The following SETBP1 variants were observed in gnomAD, a reference collection of about 807,000 sequenced individuals.
SETBP1 encodes SET-binding protein.
Under a neutral mutation model 101.0 loss-of-function variants are expected in SETBP1, and 9 were observed. The observed-to-expected ratio is 0.09, with a 90% CI of 0.05 to 0.16. SETBP1 has a LOEUF of 0.16. SETBP1 is among the 10% of genes least tolerant of loss of function. The pLI is 1.00. For missense variants in SETBP1, 1,858 were observed against 2,033.8 expected, an observed-to-expected ratio of 0.91 and a Z score of 1.66; for synonymous variants, 818 against 788.5, an observed-to-expected ratio of 1.04 and a Z score of -0.63.
At chr18:44,873,025 A>G (rs745551350) in intron 3 of SETBP1, among the ~76,000 whole-genome samples, 11 of 152,336 alleles carry the variant, frequency 7.2e-5, no homozygotes, top group Non-Finnish European at 1.2e-4. Flanking sequence ...GCTGTTTTTA[A>G]TGAGTTTCTA....
intron 4 of SETBP1, among the ~76,000 whole-genome samples, chr18:44,970,878 T>A (rs140106878): frequency 0.1 from 15,276 of 152,046 alleles, 1,057 homozygotes; most frequent in Admixed American, 0.22. Context: ...TTTTTTTTTT[T>A]AATTATACTT....
intron 2 of SETBP1, among the ~76,000 whole-genome samples, chr18:44,834,573 GAGA>G (rs1298616552): frequency 2.0e-5 from 3 of 152,162 alleles, no homozygotes; most frequent in South Asian, 2.1e-4. Flanking sequence ...CACAGAGCAG[GAGA>G]AGAAGGGGTT....
intron 4 of SETBP1, among the ~76,000 whole-genome samples, chr18:45,001,980 A>G (rs2072627085): frequency 6.6e-6 from 1 of 152,094 alleles, no homozygotes. Flanking sequence ...AGGCTCCCCC[A>G]CCAAAATAAT....
intron 2 of SETBP1, among the ~76,000 whole-genome samples, chr18:44,727,669 A>G (rs1159648408): frequency 6.6e-6 from 1 of 152,196 alleles, no homozygotes; most frequent in African/African-American, 2.4e-5. Flanking sequence ...CTCTACCACC[A>G]TCATAAAATC....
At chr18:44,981,001 C>T (rs1158618578) in intron 4 of SETBP1, among the ~76,000 whole-genome samples, 1 of 152,132 alleles carries the variant, frequency 6.6e-6, no homozygotes, top group East Asian at 1.9e-4. Context: ...TAAAGTGGTC[C>T]CCAGACCAAT....
intron 3 of SETBP1, among the ~76,000 whole-genome samples, chr18:44,883,555 G>A (rs1198819309): frequency 1.3e-5 from 2 of 152,178 alleles, no homozygotes; most frequent in Admixed American, 6.5e-5. Flanking sequence ...GTACAGGACC[G>A]TCTACTAAAA....
chr18:44,878,008 G>C (rs1050513122), intron 3 of SETBP1, among the ~76,000 whole-genome samples: 5 of 152,218 alleles, frequency 3.3e-5, no homozygotes, highest in African/African-American at 1.2e-4. Flanking sequence ...TCACGTGTGA[G>C]AAAATTGATA....
At position 44,951,294 on chromosome 18, in the gene SETBP1, G is replaced by A; in HGVS notation, c.1954G>A (p.Val652Ile). The change falls in exon 4 of 6, where the codon GTT becomes ATT. Residue 652 changes from valine to isoleucine, a missense_variant. Val to Ile is a conservative substitution (Grantham distance 29, BLOSUM62 3). Coordinates refer to ENST00000649279, the MANE Select transcript of SETBP1 (RefSeq NM_015559.3). The surrounding 1 kb of genome is among the most constrained non-coding windows in gnomAD (Gnocchi z 7.8). ...PMSEMKFHKK[V>I]GKLGVLDKKT... ...GAGCGAGATGAAATTTCACAAGAAA[G>A]TTGGAAAGCTCGGCGTGTTGGATAA... 1 of 1,613,680 alleles carries A rather than the reference G, an allele frequency of 6.2e-7. No individual in the cohort carries two copies. The highest frequency in any genetic ancestry group is 8.5e-7 in the Non-Finnish European group (1 of 1,180,034).
chr18:44,994,186 G>A (rs546446538), intron 4 of SETBP1, among the ~76,000 whole-genome samples: 1 of 151,148 alleles, frequency 6.6e-6, no homozygotes, highest in African/African-American at 2.4e-5. Flanking sequence ...AAAAAACCTG[G>A]GTAAAAAAAA....
At chr18:44,871,672 T>G (rs1433290476) in intron 3 of SETBP1, 1 of 152,270 alleles carries the variant, frequency 6.6e-6, no homozygotes, top group East Asian at 1.9e-4. Flanking sequence ...GTCTTCTCTC[T>G]GCTTCCAGAT....
chr18:44,810,094 C>G (rs970962627), intron 2 of SETBP1, among the ~76,000 whole-genome samples: 2 of 152,194 alleles, frequency 1.3e-5, no homozygotes, highest in African/African-American at 4.8e-5. Context: ...GTGGGGAGCT[C>G]TTATCCTGGG....
intron 3 of SETBP1, among the ~76,000 whole-genome samples, chr18:44,940,376 A>G (rs1332072477): frequency 6.6e-6 from 1 of 152,194 alleles, no homozygotes; most frequent in Non-Finnish European, 1.5e-5. Context: ...TAGAGTTAAT[A>G]TAATTACTGA....
chr18:44,768,031 G>C (rs573138580), intron 2 of SETBP1, among the ~76,000 whole-genome samples: 2 of 152,140 alleles, frequency 1.3e-5, no homozygotes, highest in African/African-American at 4.8e-5. Context: ...TTTCTTTCCC[G>C]TAATAGACTG....
chr18:45,063,348 C>A lies in SETBP1; in HGVS notation c.4441C>A (p.Leu1481Met). 6.3e-7 allele frequency: 1 copy of A among 1,581,818 alleles called. No homozygotes were observed. Among genetic ancestry groups the A allele is most frequent in the East Asian group, 2.4e-5 (1 of 42,426 alleles). ...QMPVLEKCID[L>M]PSKRGQKPSL... ...GCCGGTGCTGGAAAAATGCATCGAC[C>A]TGCCCAGCAAAAGAGGCCAGAAGCC... The change falls in exon 6 of 6, where the codon CTG becomes ATG. Residue 1481 changes from leucine to methionine, a missense_variant. Coordinates refer to ENST00000649279, the MANE Select transcript of SETBP1 (RefSeq NM_015559.3).
chr18:44,731,027 C>A (rs1208589883), intron 2 of SETBP1, among the ~76,000 whole-genome samples: 1 of 152,182 alleles, frequency 6.6e-6, no homozygotes, highest in Non-Finnish European at 1.5e-5. Flanking sequence ...TCTGTCAGCT[C>A]TTCTCCATGT....
intron 2 of SETBP1, among the ~76,000 whole-genome samples, chr18:44,788,790 A>AT (rs34929410): frequency 0.1 from 8,123 of 80,508 alleles, 66 homozygotes; most frequent in African/African-American, 0.11. Flanking sequence ...TTCCTTTTTA[A>AT]TTTTTTTTTT....
At chr18:45,051,195 A>G (rs2073714975) in intron 5 of SETBP1, among the ~76,000 whole-genome samples, 1 of 152,218 alleles carries the variant, frequency 6.6e-6, no homozygotes, top group Non-Finnish European at 1.5e-5. Context: ...CACATGGTGT[A>G]TGAGCCAATA....
chr18:44,688,070 C>T (rs915677437), intron 1 of SETBP1, among the ~76,000 whole-genome samples: 5 of 152,064 alleles, frequency 3.3e-5, no homozygotes, highest in Admixed American at 3.3e-4. Context: ...TGATGAAGCA[C>T]CTGGGAGCAT....
At chr18:44,872,393 T>G (rs1300573580) in intron 3 of SETBP1, among the ~76,000 whole-genome samples, 1 of 150,778 alleles carries the variant, frequency 6.6e-6, no homozygotes, top group Non-Finnish European at 1.5e-5. Flanking sequence ...CACACATCTG[T>G]TTTTTTTTAA....
Sources: allele counts gnomAD v4.1 joint callset (sites outside exome capture counted in the v4.1 genomes callset), GRCh38; gene constraint gnomAD v4.1.1; non-coding constraint Gnocchi (gnomAD v3.1); transcripts MANE v1.5; gene names NCBI Gene and HGNC (gene_info 2026-07-23, HGNC 2026-07-21).